IGSF21: variants seen among roughly 807,000 people sequenced by gnomAD.
IGSF21 encodes immunoglobin superfamily member 21.
A neutral mutation model predicts 46.8 loss-of-function variants in IGSF21; 28 were observed. That is an observed-to-expected ratio of 0.60 (90% CI 0.44 to 0.82). The LOEUF (loss-of-function observed/expected upper bound fraction) is 0.82, where lower values mean the gene tolerates loss of function less well. Ranked by LOEUF, IGSF21 falls within the 40% of genes least tolerant of loss-of-function variation. The pLI is 0.00. For missense variants in IGSF21, 624 were observed against 665.5 expected (o/e 0.94, Z 0.69); for synonymous variants, 284 against 273.6 (o/e 1.04, Z -0.38).
At chr1:18,298,161 T>C (rs1442911365) in intron 3 of IGSF21, among the ~76,000 whole-genome samples, 1 of 151,770 alleles carries the variant, frequency 6.6e-6, no homozygotes, top group Admixed American at 6.6e-5. Flanking sequence ...AATGGGGAGG[T>C]CAGCTGACGT....
At chr1:18,172,775 C>T (rs1474991798) in intron 1 of IGSF21, among the ~76,000 whole-genome samples, 1 of 152,152 alleles carries the variant, frequency 6.6e-6, no homozygotes, top group East Asian at 1.9e-4. Flanking sequence ...CAACTGCACA[C>T]CCAAGAAAAA....
intron 1 of IGSF21, among the ~76,000 whole-genome samples, chr1:18,158,158 A>C (rs1282097918): frequency 6.6e-6 from 1 of 151,920 alleles, no homozygotes. Flanking sequence ...GTCCTTCAGG[A>C]TCTCACACAC....
chr1:18,209,114 G>A (rs2084363932), intron 1 of IGSF21, among the ~76,000 whole-genome samples: 2 of 152,174 alleles, frequency 1.3e-5, no homozygotes, highest in Non-Finnish European at 1.5e-5. Flanking sequence ...AAAATGCATC[G>A]AGTTGCTCGC....
chr1:18,283,489 G>A (rs906170273), intron 2 of IGSF21, among the ~76,000 whole-genome samples: 27 of 152,340 alleles, frequency 1.8e-4, no homozygotes, highest in Non-Finnish European at 3.5e-4. Context: ...GGAACTGCAA[G>A]AGCGGTTTCA....
intron 1 of IGSF21, among the ~76,000 whole-genome samples, chr1:18,194,539 G>T (rs1350285057): frequency 6.6e-6 from 1 of 152,120 alleles, no homozygotes; most frequent in African/African-American, 2.4e-5. Flanking sequence ...TTGGTTTGTG[G>T]ATGCCTTGCT....
intron 2 of IGSF21, among the ~76,000 whole-genome samples, chr1:18,255,966 A>C (rs971153419): frequency 2.6e-5 from 4 of 152,116 alleles, no homozygotes; most frequent in Middle Eastern, 3.4e-3. Context: ...CACTGCATAA[A>C]CCCCTGCAGC....
In IGSF21 at chr1:18,291,876, G is replaced by C. The variant is rs1191012119; in HGVS notation, c.194G>C (p.Gly65Ala). 2 of 1,614,042 alleles carry C rather than the reference G, an allele frequency of 1.2e-6. No homozygotes were observed. Among genetic ancestry groups the C allele is most frequent in the Admixed American group, 3.3e-5 (2 of 60,022 alleles). ...REIVWYRVTDGGTIKQKIFTF... is the reference protein window; with the variant it reads ...REIVWYRVTDAGTIKQKIFTF... Reference sequence around the variant, plus strand: ...TGTGCTCTGTGGCAGGTGACGGATGGTGGCACCATCAAGCAAAAGATCTTC... The same window carrying C: ...TGTGCTCTGTGGCAGGTGACGGATGCTGGCACCATCAAGCAAAAGATCTTC... The change falls in exon 3 of 10, where the codon GGT (glycine) becomes GCT (alanine). Residue 65 changes from glycine to alanine, a missense_variant. Physicochemically the swap from Gly to Ala is moderately conservative, Grantham distance 60 (BLOSUM62 0). Coordinates refer to ENST00000251296, the MANE Select transcript of IGSF21 (RefSeq NM_032880.5).
chr1:18,198,627 T>C (rs2087033645), intron 1 of IGSF21, among the ~76,000 whole-genome samples: 2 of 152,140 alleles, frequency 1.3e-5, no homozygotes, highest in African/African-American at 4.8e-5. Flanking sequence ...TAAAACTGGC[T>C]GGGGAAAAAC....
chr1:18,243,822 C>T (rs932408689), intron 2 of IGSF21, among the ~76,000 whole-genome samples: 42 of 152,116 alleles, frequency 2.8e-4, no homozygotes, highest in South Asian at 8.3e-4. Flanking sequence ...CCCTGAGGAG[C>T]GAGCATATGG....
chr1:18,124,087 C>G (rs2086256200), intron 1 of IGSF21, among the ~76,000 whole-genome samples: 1 of 152,194 alleles, frequency 6.6e-6, no homozygotes, highest in South Asian at 2.1e-4. Context: ...GGTGCTGCCT[C>G]CTTCTAACCC....
At chr1:18,195,068 A>C (rs1324463295) in intron 1 of IGSF21, among the ~76,000 whole-genome samples, 1 of 152,166 alleles carries the variant, frequency 6.6e-6, no homozygotes, top group Non-Finnish European at 1.5e-5. Context: ...TGATTCAATG[A>C]TCTCCACCAG....
chr1:18,287,762 GC>G (rs1428674190), intron 2 of IGSF21, among the ~76,000 whole-genome samples: 1 of 152,150 alleles, frequency 6.6e-6, no homozygotes, highest in Non-Finnish European at 1.5e-5. Context: ...ATGACTACTA[GC>G]AAATTCTCGG....
At chr1:18,237,396 GTT>G (rs2084683378) in intron 2 of IGSF21, among the ~76,000 whole-genome samples, 1 of 152,160 alleles carries the variant, frequency 6.6e-6, no homozygotes, top group Non-Finnish European at 1.5e-5. Flanking sequence ...CCATCATCAA[GTT>G]GTTAAGTTCT....
intron 1 of IGSF21, among the ~76,000 whole-genome samples, chr1:18,174,128 CG>C (rs1553151470): frequency 3.9e-5 from 6 of 152,154 alleles, no homozygotes; most frequent in Non-Finnish European, 8.8e-5. Context: ...CTGTGGCTTG[CG>C]GGGAATCACA....
At chr1:18,305,501 G>GATGA (rs759249423) in intron 3 of IGSF21, among the ~76,000 whole-genome samples, 1 of 145,818 alleles carries the variant, frequency 6.9e-6, no homozygotes, top group African/African-American at 2.5e-5. Flanking sequence ...TGGATGGATG[G>GATGA]ATGGATGGAT....
intron 1 of IGSF21, among the ~76,000 whole-genome samples, chr1:18,164,675 C>T (rs567453271): frequency 1.1e-4 from 16 of 151,896 alleles, no homozygotes; most frequent in Admixed American, 3.9e-4. Flanking sequence ...TCTTTCTTCG[C>T]GATTATCTTT....
At chr1:18,164,076 A>T (rs4920302) in intron 1 of IGSF21, among the ~76,000 whole-genome samples, 8,545 of 152,286 alleles carry the variant, frequency 0.056, 348 homozygotes, top group South Asian at 0.14. Flanking sequence ...AATGATGATG[A>T]CAATAATGAT....
intron 3 of IGSF21, among the ~76,000 whole-genome samples, chr1:18,310,590 CT>C (rs1478028618): frequency 2.6e-5 from 4 of 152,124 alleles, no homozygotes; most frequent in African/African-American, 9.7e-5. Context: ...GGAGGTATCC[CT>C]TGGAGAGGAC....
intron 1 of IGSF21, among the ~76,000 whole-genome samples, chr1:18,155,961 G>A (rs944949661): frequency 3.9e-5 from 6 of 152,236 alleles, no homozygotes; most frequent in Admixed American, 2.0e-4. Flanking sequence ...CGGTGCTGGC[G>A]AAAGGTGAAG....
Sources: allele counts gnomAD v4.1 joint callset (sites outside exome capture counted in the v4.1 genomes callset), GRCh38; gene constraint gnomAD v4.1.1; transcripts MANE v1.5; gene names NCBI Gene and HGNC (gene_info 2026-07-23, HGNC 2026-07-21).